Variants in KLHL4 observed in about 807,000 individuals in gnomAD.
KLHL4 encodes the protein kelch-like protein 4.
Under a neutral mutation model 45.8 loss-of-function variants are expected in KLHL4, and 17 were observed. That is an observed-to-expected ratio of 0.37 (90% CI 0.25 to 0.56). KLHL4 has a LOEUF of 0.56. Ranked by LOEUF, KLHL4 falls within the 20% of genes least tolerant of loss-of-function variation. The probability of loss-of-function intolerance (pLI) is 0.79; values close to 1 mark genes in which losing one functional copy is unlikely to be tolerated. For synonymous variants in KLHL4, 224 were observed against 189.9 expected (o/e 1.18, Z -1.47); for missense variants, 544 against 544.9 (o/e 1.00, Z 0.02).
chrX:87,599,443 T>C lies in KLHL4; in HGVS notation c.423-14434T>C, dbSNP rs1224616487. ...AGCTTTGAGAACAGAAATAACCTAT[T>C]ATTATGCTTCTTCAAAAACATATGT... On this transcript the variant is annotated intron_variant, in intron 1 of 10. Transcript: ENST00000373119. 6.3e-5 allele frequency among the ~76,000 whole-genome samples: 7 copies of C among 111,883 alleles called. No homozygotes were observed. The East Asian group carries it at 1.7e-3, about 27-fold the overall frequency.
At chrX:87,531,870 G>A (rs1931290862) in intron 1 of KLHL4, among the ~76,000 whole-genome samples, 1 of 97,319 alleles carries the variant, frequency 1.0e-5, no homozygotes, top group Admixed American at 1.3e-4. Context: ...ATGCTCATGG[G>A]TAGGAAGAAT....
At chrX:87,664,545 T>C (rs1321202670) in intron 9 of KLHL4, among the ~76,000 whole-genome samples, 1 of 112,002 alleles carries the variant, frequency 8.9e-6, no homozygotes, top group Non-Finnish European at 1.9e-5. Context: ...CATGGTATCT[T>C]GGAAAGGGAA....
chrX:87,545,868 A>G (rs1316019468), intron 1 of KLHL4, among the ~76,000 whole-genome samples: 5 of 111,002 alleles, frequency 4.5e-5, no homozygotes, highest in African/African-American at 6.6e-5. Flanking sequence ...CTTATTGGGA[A>G]CCGGTGTAAA....
At chrX:87,581,972 T>C (rs918743835) in intron 1 of KLHL4, among the ~76,000 whole-genome samples, 1 of 111,957 alleles carries the variant, frequency 8.9e-6, no homozygotes, top group Admixed American at 9.4e-5. Flanking sequence ...GATAGAACAG[T>C]GCATGAGCTG....
At chrX:87,524,323 T>A (rs1193830125) in intron 1 of KLHL4, among the ~76,000 whole-genome samples, 2 of 112,332 alleles carry the variant, frequency 1.8e-5, no homozygotes, top group Non-Finnish European at 3.8e-5. Context: ...TTATCAAATC[T>A]TTTTAATGTA....
rs199723060 is a variant in KLHL4, at chrX:87,658,805, T to TA, written c.1926-5950dup. Among the ~76,000 whole-genome samples the TA allele has an allele frequency of 7.0e-3, 769 of 109,580 alleles. 9 individuals carry two copies. Among genetic ancestry groups the TA allele is most frequent in the African/African-American group, 0.023 (695 of 30,270 alleles). On this transcript the variant is annotated intron_variant, in intron 9 of 10. Transcript: ENST00000373119. ...AGCAAAGCCCCTAATTTGCCCTCTT[T>TA]AAAAAAAAATGCCTCTGTCTTCTAA...
rs764832768 is a variant in KLHL4, at chrX:87,632,297, T to C, written c.1412T>C (p.Val471Ala). ...AATGGCCGTAGGCTTCAATTTGGAG[T>C]CGCAGTTATTGATAATAAGCTCTAT... Reference protein sequence around the residue: ...TMNGRRLQFGVAVIDNKLYVV... With the variant: ...TMNGRRLQFGAAVIDNKLYVV... The change falls in exon 7 of 11, where the codon GTC (valine) becomes GCC (alanine). Residue 471 changes from valine (V) to alanine (A), a missense_variant. By Grantham distance (64) the Val-to-Ala change is moderately conservative. Transcript: ENST00000373119. 1.7e-6 allele frequency: 2 copies of C among 1,207,276 alleles called. No homozygotes were observed. The highest frequency in any genetic ancestry group is 2.2e-5 in the Admixed American group (1 of 45,822).
intron 9 of KLHL4, among the ~76,000 whole-genome samples, chrX:87,639,449 C>G (rs1236132077): frequency 9.0e-6 from 1 of 111,310 alleles, no homozygotes; most frequent in Non-Finnish European, 1.9e-5. Context: ...CAAAACAAGT[C>G]TCAGTAAAAG....
chrX:87,550,647 A>T (rs1346730841), intron 1 of KLHL4, among the ~76,000 whole-genome samples: 1 of 111,473 alleles, frequency 9.0e-6, no homozygotes, highest in Admixed American at 9.6e-5. Flanking sequence ...ATATCGAAAA[A>T]AAATCCACCA....
At chrX:87,637,667 G>A (rs1311847930) in intron 9 of KLHL4, among the ~76,000 whole-genome samples, 1 of 112,195 alleles carries the variant, frequency 8.9e-6, no homozygotes, top group Non-Finnish European at 1.9e-5. Context: ...AGCAGTCACA[G>A]GCTAGGCATG....
chrX:87,586,055 A>G lies in KLHL4; in HGVS notation c.423-27822A>G, dbSNP rs138737889. Among the ~76,000 whole-genome samples, 7 of 111,889 alleles carry G rather than the reference A, an allele frequency of 6.3e-5. No homozygotes were observed. The Admixed American group carries it at 6.6e-4, about 11-fold the overall frequency. ...ATGGTCACTATATCATGATAAAGGT[A>G]TCTATTCAACAAGAGGATCTAAAAA... On this transcript the variant is annotated intron_variant, in intron 1 of 10. Transcript: ENST00000373119.
intron 6 of KLHL4, among the ~76,000 whole-genome samples, chrX:87,631,744 C>CACACAT (rs1923102499): frequency 9.0e-6 from 1 of 111,730 alleles, no homozygotes; most frequent in African/African-American, 3.3e-5. Flanking sequence ...TAAACACACA[C>CACACAT]ACACATACAC....
At chrX:87,558,738 A>G (rs1932034628) in intron 1 of KLHL4, among the ~76,000 whole-genome samples, 1 of 112,034 alleles carries the variant, frequency 8.9e-6, no homozygotes, top group Non-Finnish European at 1.9e-5. Context: ...ATATCTCCAT[A>G]ATCCAGTCAA....
intron 1 of KLHL4, among the ~76,000 whole-genome samples, chrX:87,524,829 CTCTAT>C (rs772810366): frequency 4.5e-5 from 5 of 111,402 alleles, no homozygotes; most frequent in Non-Finnish European, 7.5e-5. Context: ...TATGTGGGGA[CTCTAT>C]TCTATGATTA....
chrX:87,614,242 A>G (rs942516906), intron 2 of KLHL4, among the ~76,000 whole-genome samples, 192 bp from the exon 3 acceptor site: 1 of 111,885 alleles, frequency 8.9e-6, no homozygotes, highest in Non-Finnish European at 1.9e-5. Context: ...TGGAAAGTAC[A>G]GCACAAACAC....
intron 1 of KLHL4, among the ~76,000 whole-genome samples, chrX:87,608,381 C>A (rs1444173698): frequency 8.1e-5 from 9 of 111,745 alleles, no homozygotes; most frequent in Non-Finnish European, 1.3e-4. Flanking sequence ...TCTCTGACCT[C>A]ACCATTCTCT....
Position 87,669,351 on chromosome X carries a change from A to T in KLHL4, c.*2817A>T, listed in dbSNP as rs1219332797. 8.3e-7 allele frequency: 1 copy of T among 1,207,579 alleles called. No individual in the cohort carries two copies. Among genetic ancestry groups the T allele is most frequent in the Non-Finnish European group, 1.1e-6 (1 of 892,312 alleles). On this transcript the variant is annotated 3_prime_UTR_variant, in exon 11 of 11. Transcript: ENST00000373119. Reference sequence around the variant, plus strand: ...CAGAGCATGCAAGAACTTCTACAAAACTTCTATACCACACAGAAGCTGAAA... The same window carrying T: ...CAGAGCATGCAAGAACTTCTACAAATCTTCTATACCACACAGAAGCTGAAA...
At chrX:87,607,273 G>A (rs1922227246) in intron 1 of KLHL4, among the ~76,000 whole-genome samples, 1 of 110,774 alleles carries the variant, frequency 9.0e-6, no homozygotes, top group Non-Finnish European at 1.9e-5. Context: ...CTCAAATCTT[G>A]TGGCCACACT....
intron 1 of KLHL4, among the ~76,000 whole-genome samples, chrX:87,611,219 A>G (rs1179490359): frequency 8.9e-6 from 1 of 112,228 alleles, no homozygotes; most frequent in Non-Finnish European, 1.9e-5. Flanking sequence ...TACAAGGGCT[A>G]TAGAAATAAC....
Sources: allele counts gnomAD v4.1 joint callset (sites outside exome capture counted in the v4.1 genomes callset), GRCh38; gene constraint gnomAD v4.1.1; transcripts MANE v1.5; gene names NCBI Gene and HGNC (gene_info 2026-07-23, HGNC 2026-07-21).